SPTB: variants seen among roughly 807,000 people sequenced by gnomAD.
SPTB encodes spectrin beta chain, erythrocytic.
SPTB carries 45 observed loss-of-function variants against 256.2 expected under a neutral mutation model. The observed-to-expected ratio is 0.18, with a 90% CI of 0.14 to 0.23. The LOEUF is 0.23. Among genes scored for constraint, SPTB ranks in the 10% least tolerant of loss-of-function variants. The probability of loss-of-function intolerance (pLI) is 1.00; values close to 1 mark genes in which losing one functional copy is unlikely to be tolerated. For synonymous variants in SPTB, 1,231 were observed against 1,243.1 expected, an observed-to-expected ratio of 0.99 and a Z score of 0.21; for missense variants, 2,715 against 3,040.4, an observed-to-expected ratio of 0.89 and a Z score of 2.52.
rs1882195084 is a variant in SPTB at position 64,866,578 on chromosome 14, G to C, written c.-52+13214C>G. Among the ~76,000 whole-genome samples, 1 of 152,162 alleles carries C rather than the reference G, an allele frequency of 6.6e-6. No homozygotes were observed. The highest frequency in any genetic ancestry group is 1.5e-5 in the Non-Finnish European group (1 of 68,038). On this transcript the variant is annotated intron_variant, in intron 1 of 35. Transcript: ENST00000644917. The surrounding 1 kb of genome is among the most constrained non-coding windows in gnomAD (Gnocchi z 4.6). Reference sequence around the variant, plus strand: ...CTATCAGTCACTGGGTGCAGGACGAGGCAGGAGAAGAGAGCGGCTGGATTG... The same window carrying C: ...CTATCAGTCACTGGGTGCAGGACGACGCAGGAGAAGAGAGCGGCTGGATTG...
chr14:64,839,578 G>C (rs1045730995), intron 1 of SPTB, among the ~76,000 whole-genome samples: 2 of 152,070 alleles, frequency 1.3e-5, no homozygotes, highest in African/African-American at 4.8e-5. Flanking sequence ...TGCTTTGATA[G>C]ACCTAAAAGC....
At chr14:64,803,010 G>A (rs1023699220) in intron 4 of SPTB, among the ~76,000 whole-genome samples, 2 of 152,158 alleles carry the variant, frequency 1.3e-5, no homozygotes, top group Non-Finnish European at 2.9e-5. Flanking sequence ...TGCACCCATG[G>A]AGAGTGAGAT....
rs1416175443 is a variant in SPTB, at chr14:64,806,882, T to C, written c.149-1792A>G. Reference sequence around the variant, plus strand: ...AAGTACTACTACTGACTGTGAATCCTAAATACATGTAAAATTTAAACGGCA... The same window carrying C: ...AAGTACTACTACTGACTGTGAATCCCAAATACATGTAAAATTTAAACGGCA... On this transcript the variant is annotated intron_variant, in intron 2 of 35. Transcript: ENST00000644917. This position sits in a 1 kb window ranked among gnomAD's most constrained non-coding sequence, Gnocchi z 4.1. Among the ~76,000 whole-genome samples the C allele has an allele frequency of 6.6e-6, 1 of 152,156 alleles. No individual in the cohort carries two copies. The highest frequency in any genetic ancestry group is 1.5e-5 in the Non-Finnish European group (1 of 68,038).
intron 33 of SPTB, among the ~76,000 whole-genome samples, chr14:64,752,653 T>C (rs2081968816): frequency 6.6e-6 from 1 of 152,212 alleles, no homozygotes; most frequent in African/African-American, 2.4e-5. Flanking sequence ...TCAGTAAATG[T>C]TAGTTTCCCC....
chr14:64,818,051 A>C (rs759620355), intron 2 of SPTB, among the ~76,000 whole-genome samples: 2 of 152,232 alleles, frequency 1.3e-5, no homozygotes, highest in Non-Finnish European at 2.9e-5. Flanking sequence ...TTCCAGAAAG[A>C]AGGCTACAAA....
At chr14:64,858,457 A>C (rs2083907398) in intron 1 of SPTB, among the ~76,000 whole-genome samples, 1 of 152,186 alleles carries the variant, frequency 6.6e-6, no homozygotes. Flanking sequence ...ATGAGAACAC[A>C]GTCAGGAGCA....
chr14:64,811,885 T>C (rs190145530), intron 2 of SPTB, among the ~76,000 whole-genome samples: 3 of 152,316 alleles, frequency 2.0e-5, no homozygotes, highest in Admixed American at 2.0e-4. Context: ...GGAAAGGGTA[T>C]AACTGGCTCA....
chr14:64,787,528 C>T (rs1343270730), intron 15 of SPTB, among the ~76,000 whole-genome samples: 3 of 152,208 alleles, frequency 2.0e-5, no homozygotes, highest in African/African-American at 2.4e-5. Flanking sequence ...CTCACATTAA[C>T]TTCAAGAATG....
Position 64,797,467 on chromosome 14 carries a change from C to CAAAAAAAAAAAAA in SPTB, c.1182+249_1182+261dup, listed in dbSNP as rs57385615. 1.6e-4 allele frequency among the ~76,000 whole-genome samples: 5 copies of CAAAAAAAAAAAAA among 31,010 alleles called. 1 individual carries two copies. The highest frequency in any genetic ancestry group is 4.8e-4 in the African/African-American group (4 of 8,308). 20.3% of individuals were successfully genotyped at this position (31,010 alleles called of 152,430 possible). ...GGGTGACAGAGTGAGACCCTGTCTC[C>CAAAAAAAAAAAAA]AAAAAAAAAAAAAAAAAAAAAAAAA... is the stretch of plus-strand genomic sequence containing the variant. On this transcript the variant is annotated intron_variant, in intron 10 of 35. Transcript: ENST00000644917.
At chr14:64,788,465 C>T (rs1264937848) in intron 15 of SPTB, among the ~76,000 whole-genome samples, 1 of 152,140 alleles carries the variant, frequency 6.6e-6, no homozygotes, top group Non-Finnish European at 1.5e-5. Flanking sequence ...AGAGAGCCTG[C>T]AGATTTCTCG....
At chr14:64,848,434 C>T (rs1396976854) in intron 1 of SPTB, among the ~76,000 whole-genome samples, 2 of 152,194 alleles carry the variant, frequency 1.3e-5, no homozygotes, top group Non-Finnish European at 2.9e-5. Flanking sequence ...ATGACCTCAT[C>T]GTTTCTCTCT....
At chr14:64,801,228 C>T in intron 7 of SPTB, 57 bp downstream of exon 7, 1 of 1,470,684 alleles carries the variant, frequency 6.8e-7, no homozygotes, top group Non-Finnish European at 9.5e-7. Flanking sequence ...TCCTCTAGCA[C>T]AGCGAGTGCA....
At chr14:64,836,659 A>G (rs2083527623) in intron 1 of SPTB, among the ~76,000 whole-genome samples, 1 of 152,194 alleles carries the variant, frequency 6.6e-6, no homozygotes, top group South Asian at 2.1e-4. Context: ...CCTAGCGGCC[A>G]TCCTACTTCG....
chr14:64,862,985 T>C (rs532280308), intron 1 of SPTB, among the ~76,000 whole-genome samples: 18 of 152,322 alleles, frequency 1.2e-4, no homozygotes, highest in African/African-American at 4.3e-4. Context: ...CTACCTCACA[T>C]AGAAAGTACA....
Position 64,749,183 on chromosome 14 carries a change from G to C in SPTB, c.*123C>G. 1 of 1,252,112 alleles carries C rather than the reference G, an allele frequency of 8.0e-7. No homozygotes were observed. Among genetic ancestry groups the C allele is most frequent in the East Asian group, 2.7e-5 (1 of 37,458 alleles). The allele number at this position is 1,252,112 out of a possible 1,614,324, so 77.6% of individuals were successfully genotyped here. A position where few individuals can be genotyped will look rare whatever the true frequency, so the allele number is the denominator to read the frequency against. On this transcript the variant is annotated 3_prime_UTR_variant, in exon 36 of 36. Coordinates refer to ENST00000644917, the MANE Select transcript of SPTB (RefSeq NM_001355436.2). The surrounding 1 kb of genome is among the most constrained non-coding windows in gnomAD (Gnocchi z 4.7). ...CTTTTGCAGTGCAGCGTGGGGCCCG[G>C]GGGCCCGGCCCGCGACTCGACTCAT...
At chr14:64,750,189 C>T (rs2081923462) in intron 33 of SPTB, 35 bp from the exon 34 acceptor site, 2 of 1,604,394 alleles carry the variant, frequency 1.2e-6, no homozygotes, top group Non-Finnish European at 1.7e-6. Flanking sequence ...CACCCACATC[C>T]TGATATGGTA....
intron 1 of SPTB, among the ~76,000 whole-genome samples, chr14:64,860,745 T>C (rs1276704616): frequency 1.3e-5 from 2 of 152,066 alleles, no homozygotes; most frequent in Non-Finnish European, 2.9e-5. Context: ...CCTAAAGAAA[T>C]AGGAATGCTT....
intron 1 of SPTB, among the ~76,000 whole-genome samples, chr14:64,859,720 CTATATA>C (rs754269849): frequency 0.069 from 1,229 of 17,838 alleles, 6 homozygotes; most frequent in Non-Finnish European, 0.19. Context: ...CTCTCTCTCT[CTATATA>C]TATATATATA....
At chr14:64,799,973 C>T (rs2082851190) in intron 8 of SPTB, 39 bp from the exon 9 acceptor site, 1 of 1,607,340 alleles carries the variant, frequency 6.2e-7, no homozygotes, top group Non-Finnish European at 8.5e-7. Flanking sequence ...ATCAGAAGGG[C>T]AATGCCACCA....
Sources: gnomAD v4.1 joint callset for allele counts (sites outside exome capture counted in the v4.1 genomes callset) on GRCh38, gnomAD v4.1.1 for gene constraint, Gnocchi (gnomAD v3.1) non-coding constraint, MANE v1.5 for transcripts, NCBI Gene and HGNC (gene_info 2026-07-23, HGNC 2026-07-21) for gene names.